TAFA2: variants seen among roughly 807,000 people sequenced by gnomAD.
TAFA2 encodes the protein chemokine-like protein TAFA-2.
A neutral mutation model predicts 18.8 loss-of-function variants in TAFA2; 7 were observed. The observed-to-expected ratio is 0.37, with a 90% confidence interval of 0.21 to 0.70. The LOEUF (loss-of-function observed/expected upper bound fraction) is 0.70. Among genes scored for constraint, TAFA2 ranks in the 30% least tolerant of loss-of-function variants. The pLI, the probability that TAFA2 is intolerant of heterozygous loss-of-function variation, is 0.53. For synonymous variants in TAFA2, 60 were observed against 54.2 expected, an observed-to-expected ratio of 1.11 and a Z score of -0.47; for missense variants, 122 against 158.1, an observed-to-expected ratio of 0.77 and a Z score of 1.23.
At chr12:62,034,003 A>AT (rs1881532959) in intron 1 of TAFA2, among the ~76,000 whole-genome samples, 1 of 152,212 alleles carries the variant, frequency 6.6e-6, no homozygotes, top group Non-Finnish European at 1.5e-5. Context: ...GTTCAATCTA[A>AT]TCCCTTTATT....
chr12:61,878,153 AG>A, intron 1 of TAFA2: 3 of 450,022 alleles, frequency 6.7e-6, no homozygotes, highest in South Asian at 4.7e-5. Flanking sequence ...GAAGGGAGGG[AG>A]AAATAGAGAG....
intron 1 of TAFA2, among the ~76,000 whole-genome samples, chr12:62,081,957 C>G (rs1868332177): frequency 6.6e-6 from 1 of 152,096 alleles, no homozygotes; most frequent in Non-Finnish European, 1.5e-5. Context: ...CTCCCCACCC[C>G]CGACAGGCCC....
intron 1 of TAFA2, among the ~76,000 whole-genome samples, chr12:62,101,654 T>C (rs1325162802): frequency 6.6e-6 from 1 of 152,218 alleles, no homozygotes; most frequent in Non-Finnish European, 1.5e-5. Flanking sequence ...CACAGTAAGT[T>C]CTACTTCAGC....
intron 4 of TAFA2, among the ~76,000 whole-genome samples, chr12:61,748,998 G>A (rs946248049): frequency 2.6e-5 from 4 of 151,896 alleles, no homozygotes; most frequent in Non-Finnish European, 4.4e-5. Context: ...GGGTGTGGTC[G>A]CTCACACCTG....
intron 1 of TAFA2, among the ~76,000 whole-genome samples, chr12:62,153,010 C>T (rs1019777916): frequency 1.3e-5 from 2 of 152,126 alleles, no homozygotes; most frequent in African/African-American, 4.8e-5. Context: ...GCTAGCACCA[C>T]CGCCTCACCC....
intron 1 of TAFA2, among the ~76,000 whole-genome samples, chr12:62,003,650 ATTTG>A (rs1880452738): frequency 6.6e-6 from 1 of 152,002 alleles, no homozygotes; most frequent in African/African-American, 2.4e-5. Flanking sequence ...CTACTATACA[ATTTG>A]TTTATTTATT....
chr12:61,745,831 C>G (rs113569122), intron 4 of TAFA2, among the ~76,000 whole-genome samples: 1 of 151,622 alleles, frequency 6.6e-6, no homozygotes, highest in African/African-American at 2.4e-5. Flanking sequence ...ATCTGTACCC[C>G]GAAAAGGCAG....
At chr12:62,220,301 T>C (rs1445152320) in intron 1 of TAFA2, among the ~76,000 whole-genome samples, 1 of 151,720 alleles carries the variant, frequency 6.6e-6, no homozygotes, top group African/African-American at 2.4e-5. Flanking sequence ...AAATAAAATA[T>C]AAAAAACAAG....
intron 4 of TAFA2, among the ~76,000 whole-genome samples, chr12:61,715,034 T>C (rs1283516013): frequency 6.6e-6 from 1 of 152,232 alleles, no homozygotes; most frequent in Admixed American, 6.5e-5. Context: ...CTATTGTGAT[T>C]AAATCAGATA....
At chr12:61,950,793 C>A (rs568869338) in intron 1 of TAFA2, among the ~76,000 whole-genome samples, 14 of 152,206 alleles carry the variant, frequency 9.2e-5, no homozygotes, top group Admixed American at 8.5e-4. Flanking sequence ...CTACACCCAG[C>A]ACCTATTATA....
chr12:61,783,153 T>C (rs1455092801), intron 2 of TAFA2, among the ~76,000 whole-genome samples: 3 of 151,628 alleles, frequency 2.0e-5, no homozygotes, highest in Non-Finnish European at 4.4e-5. Flanking sequence ...AACTACCTGA[T>C]GGACAGCCCC....
chr12:61,887,072 A>T (rs1171578310), intron 1 of TAFA2, among the ~76,000 whole-genome samples: 2 of 152,378 alleles, frequency 1.3e-5, no homozygotes, highest in African/African-American at 4.8e-5. Context: ...TAAATGCTCA[A>T]CTAATAGATG....
At chr12:61,752,999 C>A (rs1869090871) in intron 4 of TAFA2, among the ~76,000 whole-genome samples, 1 of 151,940 alleles carries the variant, frequency 6.6e-6, no homozygotes, top group Admixed American at 6.6e-5. Context: ...AAGAACAAAG[C>A]TATTTTTCAG....
chr12:62,090,680 C>T (rs1868672022), intron 1 of TAFA2, among the ~76,000 whole-genome samples: 1 of 151,510 alleles, frequency 6.6e-6, no homozygotes, highest in Non-Finnish European at 1.5e-5. Context: ...TGATTATTCC[C>T]TTTTTGTTCT....
At chr12:61,788,598 C>T (rs934209770) in intron 2 of TAFA2, among the ~76,000 whole-genome samples, 1 of 151,574 alleles carries the variant, frequency 6.6e-6, no homozygotes, top group East Asian at 1.9e-4. Context: ...CCATACAAAA[C>T]ATCAACGGAA....
chr12:62,160,016 A>T (rs1325967330), intron 1 of TAFA2, among the ~76,000 whole-genome samples: 1 of 148,380 alleles, frequency 6.7e-6, no homozygotes, highest in Non-Finnish European at 1.5e-5. Context: ...CTTTACCCAT[A>T]CTCAAGTCAT....
intron 1 of TAFA2, among the ~76,000 whole-genome samples, chr12:61,989,371 G>T (rs568765086): frequency 6.6e-6 from 1 of 151,830 alleles, no homozygotes; most frequent in South Asian, 2.1e-4. Context: ...TGAAAAGCTG[G>T]TCCCCCCCAC....
intron 1 of TAFA2, among the ~76,000 whole-genome samples, chr12:62,147,252 GTATGTGTA>G: frequency 7.3e-6 from 1 of 136,844 alleles, no homozygotes; most frequent in African/African-American, 2.8e-5. Flanking sequence ...ATGTATATAT[GTATGTGTA>G]TATATATGTG....
At chr12:62,129,704 G>A (rs1226465526) in intron 1 of TAFA2, among the ~76,000 whole-genome samples, 2 of 151,978 alleles carry the variant, frequency 1.3e-5, no homozygotes, top group Non-Finnish European at 2.9e-5. Flanking sequence ...ATAATTATTT[G>A]CTTTGAGGAC....
Sources: allele counts gnomAD v4.1 joint callset (sites outside exome capture counted in the v4.1 genomes callset), GRCh38; gene constraint gnomAD v4.1.1; transcripts MANE v1.5; gene names NCBI Gene and HGNC (gene_info 2026-07-23, HGNC 2026-07-21).